The following CDH4 variants were observed in gnomAD, a reference collection of about 807,000 sequenced individuals.
The protein encoded by CDH4 is cadherin 4, also known as cadherin-4.
In CDH4, 33 loss-of-function variants were observed where a neutral mutation model predicts 86.0. The observed-to-expected ratio is 0.38, with a 90% CI of 0.29 to 0.51. The LOEUF (loss-of-function observed/expected upper bound fraction) is 0.51, where lower values mean the gene tolerates loss of function less well. CDH4 is among the 20% of genes least tolerant of loss of function. CDH4 has a pLI of 0.86. For synonymous variants in CDH4, 555 were observed against 549.4 expected, an observed-to-expected ratio of 1.01 and a Z score of -0.14; for missense variants, 1,114 against 1,307.4, an observed-to-expected ratio of 0.85 and a Z score of 2.28.
At position 61,936,685 on chromosome 20, in the gene CDH4, C is replaced by T. The variant is rs531533920; in HGVS notation, c.2545-52C>T. 45 of 1,411,774 alleles carry T rather than the reference C, an allele frequency of 3.2e-5. No individual in the cohort carries two copies. In the East Asian group the frequency reaches 4.3e-4, roughly 14 times the overall value. 87.5% of individuals were successfully genotyped at this position (1,411,774 alleles called of 1,614,324 possible). ...CCTCGCTTTCCGTTCCATCTGATCCCGGGGCTGAGACAACGCGTCCTGCAC... is the reference window on the plus strand; with the variant it reads ...CCTCGCTTTCCGTTCCATCTGATCCTGGGGCTGAGACAACGCGTCCTGCAC... On this transcript the variant is annotated intron_variant, in intron 15 of 15. Coordinates refer to ENST00000614565, the MANE Select transcript of CDH4 (RefSeq NM_001794.5).
chr20:61,626,617 G>C (rs373455491), intron 2 of CDH4, among the ~76,000 whole-genome samples: 8 of 152,216 alleles, frequency 5.3e-5, no homozygotes, highest in African/African-American at 1.9e-4. Context: ...TGCTGGGTCA[G>C]GCCTTTTTCC....
At chr20:61,864,519 C>T (rs1424096111) in intron 6 of CDH4, among the ~76,000 whole-genome samples, 1 of 152,168 alleles carries the variant, frequency 6.6e-6, no homozygotes, top group Non-Finnish European at 1.5e-5. Flanking sequence ...GTGACCCAAG[C>T]CACAGAGACC....
At position 61,666,550 on chromosome 20, in the gene CDH4, C is replaced by G. The variant is rs553954381; in HGVS notation, c.170-77013C>G. On this transcript the variant is annotated intron_variant, in intron 2 of 15. Transcript: ENST00000614565. ...CATGGCTGATGCTGGCCGAGGTCCA[C>G]TGAATTCAGAGTCCACATGGAGGAC... Among the ~76,000 whole-genome samples the G allele has an allele frequency of 2.1e-3, 321 of 152,326 alleles. 3 individuals are homozygous for G. Among genetic ancestry groups the G allele is most frequent in the Non-Finnish European group, 1.8e-3 (122 of 68,034 alleles).
Position 61,743,659 on chromosome 20 carries a change from G to A in CDH4, c.266G>A (p.Arg89Gln), listed in dbSNP as rs761709044. 16 of 1,599,508 alleles carry A rather than the reference G, an allele frequency of 1.0e-5. No homozygotes were observed. The highest frequency in any genetic ancestry group is 1.2e-5 in the Non-Finnish European group (14 of 1,173,150). ...GCAGATGGGACAGTCTTCGCCACCC[G>A]GGAGCTGCAGGTCCCCTCCGAGCAG... is the stretch of plus-strand genomic sequence containing the variant. ...VGADGTVFATRELQVPSEQVA... is the reference protein window; with the variant it reads ...VGADGTVFATQELQVPSEQVA... Residue 89 changes from arginine to glutamine, a missense_variant, in exon 3 of 16, where the codon CGG (arginine) becomes CAG (glutamine). Coordinates refer to ENST00000614565, the MANE Select transcript of CDH4 (RefSeq NM_001794.5).
chr20:61,858,343 G>A (rs200152300), intron 6 of CDH4, among the ~76,000 whole-genome samples: 3 of 37,962 alleles, frequency 7.9e-5, no homozygotes, highest in Non-Finnish European at 2.4e-4. Flanking sequence ...GTCTGTATCT[G>A]CGTATGTGTC....
intron 2 of CDH4, among the ~76,000 whole-genome samples, chr20:61,429,755 G>GGATGGATGGA (rs2085235078): frequency 7.1e-6 from 1 of 141,186 alleles, no homozygotes; most frequent in African/African-American, 2.6e-5. Context: ...GGATAGGTGT[G>GGATGGATGGA]TGGATGGATG....
intron 11 of CDH4, 40 bp from the exon 12 acceptor site, chr20:61,928,150 C>A: frequency 6.6e-7 from 1 of 1,513,678 alleles, no homozygotes; most frequent in Non-Finnish European, 9.1e-7. Flanking sequence ...TCATGGAGTA[C>A]CAGGAGTGGC....
At chr20:61,455,987 A>G (rs980976021) in intron 2 of CDH4, among the ~76,000 whole-genome samples, 3 of 151,844 alleles carry the variant, frequency 2.0e-5, no homozygotes, top group South Asian at 4.2e-4. Context: ...AGAAGGATGG[A>G]TGGATGGATG....
chr20:61,678,264 A>G (rs2087469156), intron 2 of CDH4, among the ~76,000 whole-genome samples: 1 of 152,110 alleles, frequency 6.6e-6, no homozygotes, highest in Non-Finnish European at 1.5e-5. Context: ...TGGATGATAG[A>G]TGATAGATGA....
chr20:61,680,539 G>A (rs1239514225), intron 2 of CDH4, among the ~76,000 whole-genome samples: 1 of 152,200 alleles, frequency 6.6e-6, no homozygotes, highest in Non-Finnish European at 1.5e-5. Flanking sequence ...TCTAAAAATG[G>A]GAAGGAAGGG....
chr20:61,882,913 C>G (rs1370067230), intron 7 of CDH4, among the ~76,000 whole-genome samples: 1 of 151,996 alleles, frequency 6.6e-6, no homozygotes, highest in Admixed American at 6.5e-5. Context: ...TCCCCCACAC[C>G]CGACGGAAGC....
chr20:61,303,870 A>C (rs1301778043), intron 2 of CDH4, among the ~76,000 whole-genome samples: 1 of 152,202 alleles, frequency 6.6e-6, no homozygotes, highest in East Asian at 1.9e-4. Flanking sequence ...GGATCCCAGG[A>C]GGTCCGATGG....
rs1214599180 is a variant in CDH4, at chr20:61,269,801, C to T, written c.169+14864C>T. Among the ~76,000 whole-genome samples the T allele has an allele frequency of 1.3e-5, 2 of 151,994 alleles. No individual in the cohort carries two copies. The highest frequency in any genetic ancestry group is 2.4e-5 in the African/African-American group (1 of 41,370). ...CCCAACCCCAGGCTCCAGAGGCTCC[C>T]GGCGGGGAGACTGTCAGATAGCAAC... On this transcript the variant is annotated intron_variant, in intron 2 of 15. Coordinates refer to ENST00000614565, the MANE Select transcript of CDH4 (RefSeq NM_001794.5). The surrounding 1 kb of genome is among the most constrained non-coding windows in gnomAD (Gnocchi z 5.3).
rs549680930 is a variant in CDH4, at chr20:61,848,813, C to A, written c.733-3941C>A. ...AAAGTGCTGGGATTACAGGTGTAAA[C>A]CACTGCACCGAGCCCACGTTCCTGT... On this transcript the variant is annotated intron_variant, in intron 5 of 15. Coordinates refer to ENST00000614565, the MANE Select transcript of CDH4 (RefSeq NM_001794.5). Among the ~76,000 whole-genome samples the A allele has an allele frequency of 2.0e-5, 3 of 152,304 alleles. No homozygotes were observed. The East Asian group carries it at 5.8e-4, about 29-fold the overall frequency.
chr20:61,334,114 A>T (rs1010268274), intron 2 of CDH4, among the ~76,000 whole-genome samples: 2 of 152,146 alleles, frequency 1.3e-5, no homozygotes, highest in African/African-American at 4.8e-5. Context: ...GGAGCCACTG[A>T]CCACAGTAAG....
At chr20:61,617,143 A>G (rs916998948) in intron 2 of CDH4, among the ~76,000 whole-genome samples, 125 of 152,068 alleles carry the variant, frequency 8.2e-4, no homozygotes, top group African/African-American at 2.9e-3. Context: ...CACCGCACCC[A>G]CCACCGCCCT....
rs1374740934 is a variant in CDH4 at position 61,684,458 on chromosome 20, A to G, written c.170-59105A>G. ...GGGCAGGGACATCTCAGGACCTTTT[A>G]TACAAAATAGCCTTGAGCCTGGGCA... On this transcript the variant is annotated intron_variant, in intron 2 of 15. Transcript: ENST00000614565. This position sits in a 1 kb window ranked among gnomAD's most constrained non-coding sequence, Gnocchi z 4.5. Among the ~76,000 whole-genome samples the G allele has an allele frequency of 6.6e-6, 1 of 152,192 alleles. No homozygotes were observed. Among genetic ancestry groups the G allele is most frequent in the Non-Finnish European group, 1.5e-5 (1 of 68,030 alleles).
intron 2 of CDH4, among the ~76,000 whole-genome samples, chr20:61,525,584 G>C (rs545815865): frequency 6.6e-6 from 1 of 152,192 alleles, no homozygotes; most frequent in Non-Finnish European, 1.5e-5. Flanking sequence ...GCTGAACTCT[G>C]AGAGAGCAGG....
intron 2 of CDH4, among the ~76,000 whole-genome samples, chr20:61,618,847 CG>C (rs1463048208): frequency 1.3e-5 from 2 of 152,182 alleles, no homozygotes; most frequent in African/African-American, 4.8e-5. Context: ...CAGGGGCCAA[CG>C]GGGTGACTTT....
Sources: allele counts gnomAD v4.1 joint callset (sites outside exome capture counted in the v4.1 genomes callset), GRCh38; gene constraint gnomAD v4.1.1; non-coding constraint Gnocchi (gnomAD v3.1); transcripts MANE v1.5; gene names NCBI Gene and HGNC (gene_info 2026-07-23, HGNC 2026-07-21).